The following IL4R variants were observed in gnomAD, a reference collection of about 807,000 sequenced individuals.
IL4R encodes interleukin 4 receptor.
Under a neutral mutation model 41.5 loss-of-function variants are expected in IL4R, and 17 were observed. That is an observed-to-expected ratio of 0.41 (90% confidence interval 0.28 to 0.61). IL4R has a LOEUF of 0.61. IL4R is among the 20% of genes least tolerant of loss of function. IL4R has a pLI of 0.31. For missense variants in IL4R, 974 were observed against 1,043.1 expected, an observed-to-expected ratio of 0.93 and a Z score of 0.91; for synonymous variants, 402 against 422.9, an observed-to-expected ratio of 0.95 and a Z score of 0.61.
intron 1 of IL4R, among the ~76,000 whole-genome samples, chr16:27,324,568 C>T (rs531694097): frequency 3.3e-5 from 5 of 152,150 alleles, no homozygotes; most frequent in Admixed American, 6.5e-5. Flanking sequence ...ACATAAGGCC[C>T]GAGTGTGCAA....
intron 6 of IL4R, among the ~76,000 whole-genome samples, chr16:27,346,949 C>A (rs1486476876): frequency 6.6e-6 from 1 of 152,226 alleles, no homozygotes; most frequent in Non-Finnish European, 1.5e-5. Flanking sequence ...ACTTGAATAA[C>A]CCTATTATTG....
intron 6 of IL4R, among the ~76,000 whole-genome samples, chr16:27,348,739 C>T (rs1212060471): frequency 6.6e-6 from 1 of 152,196 alleles, no homozygotes; most frequent in East Asian, 1.9e-4. Context: ...GAGGGCCCTG[C>T]TTGTCCAGGG....
At chr16:27,321,225 T>A (rs1249702684) in intron 1 of IL4R, among the ~76,000 whole-genome samples, 1 of 152,130 alleles carries the variant, frequency 6.6e-6, no homozygotes, top group Admixed American at 6.5e-5. Flanking sequence ...ATTACAGGTG[T>A]GAGCCACCGT....
At chr16:27,333,273 T>A (rs962101035) in intron 2 of IL4R, among the ~76,000 whole-genome samples, 1 of 152,014 alleles carries the variant, frequency 6.6e-6, no homozygotes, top group African/African-American at 2.4e-5. Flanking sequence ...CTCAGGACTT[T>A]TCTGCTGCTC....
At position 27,364,008 on chromosome 16, in the gene IL4R, C is replaced by T. The variant is rs563535954; in HGVS notation, c.*178C>T. 192 of 701,052 alleles carry T rather than the reference C, an allele frequency of 2.7e-4. 2 individuals carry two copies. The East Asian group carries it at 5.1e-3, about 19-fold the overall frequency. 43.4% of individuals were successfully genotyped at this position (701,052 alleles called of 1,614,324 possible). ...CTAACACTGGGCTGCAGAGACTGGA[C>T]CCCGCCCAGCATTGGGCTGGGCTCG... On this transcript the variant is annotated 3_prime_UTR_variant, in exon 11 of 11. Transcript: ENST00000395762.
Position 27,358,900 on chromosome 16 carries a change from T to G in IL4R, c.771-16T>G. The G allele has an allele frequency of 6.2e-7, 1 of 1,606,552 alleles. No individual in the cohort carries two copies. The highest frequency in any genetic ancestry group is 8.5e-7 in the Non-Finnish European group (1 of 1,173,162). On this transcript the variant is annotated splice_polypyrimidine_tract_variant and intron_variant, in intron 8 of 10. Coordinates refer to ENST00000395762, the MANE Select transcript of IL4R (RefSeq NM_000418.4). ...CAATAATTCAGAGATCAACACCTTT[T>G]CCTTTTGTTTTTCAGGATTAAGAAA...
intron 2 of IL4R, among the ~76,000 whole-genome samples, chr16:27,332,418 A>T (rs966879169): frequency 6.6e-6 from 1 of 152,088 alleles, no homozygotes; most frequent in Non-Finnish European, 1.5e-5. Context: ...GCATGGGGGA[A>T]CTGCTCCCGT....
At chr16:27,354,962 G>A (rs896004415) in intron 7 of IL4R, 1 of 443,624 alleles carries the variant, frequency 2.3e-6, no homozygotes, top group African/African-American at 2.0e-5. Flanking sequence ...GCATGGGGAA[G>A]GGAACTAGCT....
chr16:27,330,562 T>C (rs1378718536), intron 2 of IL4R, among the ~76,000 whole-genome samples: 1 of 152,014 alleles, frequency 6.6e-6, no homozygotes, highest in Non-Finnish European at 1.5e-5. Context: ...TTGTACTCAT[T>C]TTTGTGTTTG....
At position 27,362,295 on chromosome 16, in the gene IL4R, G is replaced by A; in HGVS notation, c.943G>A (p.Glu315Lys). 1 of 1,614,130 alleles carries A rather than the reference G, an allele frequency of 6.2e-7. No individual in the cohort carries two copies. Among genetic ancestry groups the A allele is most frequent in the African/African-American group, 1.3e-5 (1 of 75,028 alleles). ...TACCAAGCTCTTGCCCTGTTTTCTG[G>A]AGCACAACATGAAAAGGGATGAAGA... Reference protein sequence around the residue: ...CLTKLLPCFLEHNMKRDEDPH... With the variant: ...CLTKLLPCFLKHNMKRDEDPH... Residue 315 changes from glutamate (E) to lysine (K), a missense_variant, in exon 11 of 11, where the codon GAG becomes AAG. By Grantham distance (56) the Glu-to-Lys change is moderately conservative (BLOSUM62 1). Around this residue, in one of 3 missense-constraint regions of IL4R, gnomAD observed 682 missense variants for 704.3 expected, o/e 0.97. Transcript: ENST00000395762.
chr16:27,335,190 G>T (rs2085226918), intron 2 of IL4R, among the ~76,000 whole-genome samples: 1 of 152,090 alleles, frequency 6.6e-6, no homozygotes, highest in East Asian at 1.9e-4. Flanking sequence ...GGTGATGTTG[G>T]GGATTTGTCC....
chr16:27,355,431 T>C lies in IL4R; in HGVS notation c.671-377T>C, dbSNP rs148036924. 18 of 295,258 alleles carry C rather than the reference T, an allele frequency of 6.1e-5. No individual in the cohort carries two copies. In the East Asian group the frequency reaches 1.5e-3, roughly 25 times the overall value. The allele number at this position is 295,258 out of a possible 1,614,324, so 18.3% of individuals were successfully genotyped here. A position where few individuals can be genotyped will look rare whatever the true frequency, so the allele number is the denominator to read the frequency against. ...CAGCCCTGCACGATCAATTCTGTCA[T>C]TAACCCCATAGTACAGATGAGGATG... is the stretch of plus-strand genomic sequence containing the variant. On this transcript the variant is annotated intron_variant, in intron 7 of 10. Transcript: ENST00000395762.
intron 1 of IL4R, chr16:27,314,302 G>T (rs1448061779): frequency 4.9e-6 from 1 of 202,410 alleles, no homozygotes; most frequent in Non-Finnish European, 8.8e-6. Context: ...GCCTGCGGGG[G>T]TGGGGGGCTT....
intron 4 of IL4R, among the ~76,000 whole-genome samples, chr16:27,344,102 C>T (rs1402513635): frequency 2.6e-5 from 4 of 151,778 alleles, no homozygotes; most frequent in Non-Finnish European, 5.9e-5. Context: ...GTCAGGAGTT[C>T]GAGACCGGCC....
At chr16:27,349,992 C>A (rs3024596) in intron 6 of IL4R, among the ~76,000 whole-genome samples, 12,177 of 152,100 alleles carry the variant, frequency 0.08, 561 homozygotes, top group Middle Eastern at 0.11. Flanking sequence ...TTCAAGTGAT[C>A]CCCCTGGCTC....
At position 27,335,271 on chromosome 16, in the gene IL4R, T is replaced by C. The variant is rs149673470; in HGVS notation, c.-18-4915T>C. On this transcript the variant is annotated intron_variant, in intron 2 of 10. Transcript: ENST00000395762. The stretch of plus-strand genomic sequence containing the variant: ...CCAGGTTTCTGTATTGTAACGTTCA[T>C]TGATATGTATTTTCACTCATTAGTT... Among the ~76,000 whole-genome samples, 1,275 of 152,292 alleles carry C rather than the reference T, an allele frequency of 8.4e-3. 14 individuals carry two copies. The highest frequency in any genetic ancestry group is 0.014 in the Middle Eastern group (4 of 294).
chr16:27,324,994 C>T (rs1350254933), intron 1 of IL4R, among the ~76,000 whole-genome samples: 1 of 152,158 alleles, frequency 6.6e-6, no homozygotes, highest in Non-Finnish European at 1.5e-5. Context: ...CAAACCTGCC[C>T]CCTCTTCGCC....
chr16:27,346,296 T>G (rs909741831), intron 5 of IL4R, among the ~76,000 whole-genome samples, 171 bp from the exon 6 acceptor site: 4 of 152,234 alleles, frequency 2.6e-5, no homozygotes, highest in Non-Finnish European at 5.9e-5. Context: ...ATTATTGTTA[T>G]TATAATCTTC....
Position 27,363,460 on chromosome 16 carries a change from T to C in IL4R, c.2108T>C (p.Leu703Pro). 1 of 1,614,058 alleles carries C rather than the reference T, an allele frequency of 6.2e-7. No individual in the cohort carries two copies. Residue 703 changes from leucine to proline, a missense_variant, in exon 11 of 11, where the codon CTT (leucine) becomes CCT (proline). Leu to Pro is a moderately conservative substitution (Grantham distance 98, BLOSUM62 -3). Coordinates refer to ENST00000395762, the MANE Select transcript of IL4R (RefSeq NM_000418.4). ...CCCCAGGAGCAGGCCACAGACCCCC[T>C]TGTGGACAGCCTGGGCAGTGGCATT... Reference protein sequence around the residue: ...PLPQEQATDPLVDSLGSGIVY... With the variant: ...PLPQEQATDPPVDSLGSGIVY...
Sources: allele counts gnomAD v4.1 joint callset (sites outside exome capture counted in the v4.1 genomes callset), GRCh38; gene constraint gnomAD v4.1.1; regional missense constraint gnomAD v4.1.1; transcripts MANE v1.5; gene names NCBI Gene and HGNC (gene_info 2026-07-23, HGNC 2026-07-21).